The following SPMIP2 variants were observed in gnomAD, a reference collection of about 807,000 sequenced individuals.
SPMIP2 encodes sperm microtubule inner protein 2.
chr4:158,964,950 T>A, the SPMIP2 span, among the ~76,000 whole-genome samples: 5 of 152,190 alleles, frequency 3.3e-5, no homozygotes, highest in African/African-American at 1.2e-4. Flanking sequence ...ACCAGGTCCT[T>A]TCCTTGACTG....
chr4:158,993,004 G>A, the SPMIP2 span, among the ~76,000 whole-genome samples: 622 of 152,304 alleles, frequency 4.1e-3, 3 homozygotes, highest in Non-Finnish European at 4.6e-3. Flanking sequence ...AAGTGCACAT[G>A]CTTTGCAACC....
At chr4:158,940,336 GA>G in the SPMIP2 span, among the ~76,000 whole-genome samples, 1 of 152,146 alleles carries the variant, frequency 6.6e-6, no homozygotes, top group Non-Finnish European at 1.5e-5. Context: ...GTCACATTCT[GA>G]GGTAGTGGGA....
the SPMIP2 span, among the ~76,000 whole-genome samples, chr4:158,950,708 C>A: frequency 6.6e-6 from 1 of 152,202 alleles, no homozygotes; most frequent in East Asian, 1.9e-4. Flanking sequence ...CCAGCCTGGC[C>A]AACATGGTGA....
At chr4:158,933,732 GAAGAATCTTT>G in the SPMIP2 span, among the ~76,000 whole-genome samples, 320 of 151,792 alleles carry the variant, frequency 2.1e-3, 1 homozygote, top group Non-Finnish European at 2.5e-3. Flanking sequence ...ATTTCTTTTG[GAAGAATCTTT>G]TATTCTTTCT....
chr4:158,921,636 C>T, the SPMIP2 span, among the ~76,000 whole-genome samples: 1 of 152,044 alleles, frequency 6.6e-6, no homozygotes, highest in Admixed American at 6.6e-5. Flanking sequence ...AACTGTAAGC[C>T]AATTAAACCT....
chr4:159,052,965 T>A, the SPMIP2 span, among the ~76,000 whole-genome samples: 104 of 144,590 alleles, frequency 7.2e-4, no homozygotes, highest in African/African-American at 2.3e-3. Flanking sequence ...ATTTTTTTTT[T>A]TTTTTTTTTG....
the SPMIP2 span, among the ~76,000 whole-genome samples, chr4:159,063,245 G>A: frequency 3.3e-5 from 5 of 152,160 alleles, no homozygotes; most frequent in Non-Finnish European, 4.4e-5. Flanking sequence ...AGGTTATTTA[G>A]CTCACTGTGT....
the SPMIP2 span, among the ~76,000 whole-genome samples, chr4:159,066,592 TATATA>T: frequency 0.012 from 207 of 17,116 alleles, 1 homozygote; most frequent in African/African-American, 0.047. Flanking sequence ...GTGTATTTTA[TATATA>T]TATATATATA....
At chr4:158,977,181 A>C in the SPMIP2 span, among the ~76,000 whole-genome samples, 1 of 152,046 alleles carries the variant, frequency 6.6e-6, no homozygotes, top group Admixed American at 6.6e-5. Flanking sequence ...TACCAGCTCC[A>C]CTTTGCACCC....
At chr4:158,913,846 T>TAAA in the SPMIP2 span, among the ~76,000 whole-genome samples, 5 of 134,406 alleles carry the variant, frequency 3.7e-5, no homozygotes, top group South Asian at 2.4e-4. Context: ...CCCCATATCT[T>TAAA]AAAAAAAAAA....
At chr4:159,019,515 G>T in the SPMIP2 span, among the ~76,000 whole-genome samples, 1 of 152,074 alleles carries the variant, frequency 6.6e-6, no homozygotes, top group East Asian at 1.9e-4. Flanking sequence ...CATCATGAGT[G>T]CCTCCCCTTC....
At chr4:159,058,832 CTG>C in the SPMIP2 span, among the ~76,000 whole-genome samples, 1 of 152,082 alleles carries the variant, frequency 6.6e-6, no homozygotes, top group Non-Finnish European at 1.5e-5. Context: ...ACAAGAATAA[CTG>C]TAATAATAAT....
the SPMIP2 span, among the ~76,000 whole-genome samples, chr4:159,030,916 T>C: frequency 3.9e-5 from 6 of 152,210 alleles, no homozygotes; most frequent in Admixed American, 1.3e-4. Context: ...ATCCTCTACA[T>C]GGTTTTTTTT....
chr4:158,943,861 T>TTTTTTTC, the SPMIP2 span, among the ~76,000 whole-genome samples: 8 of 135,414 alleles, frequency 5.9e-5, no homozygotes, highest in Admixed American at 3.7e-4. Flanking sequence ...ACATTTTCTT[T>TTTTTTTC]TTTTTTTTTT....
chr4:159,016,807 C>G, the SPMIP2 span, among the ~76,000 whole-genome samples: 5 of 152,184 alleles, frequency 3.3e-5, no homozygotes, highest in Admixed American at 2.6e-4. Context: ...TAAATGCATT[C>G]CGTTTCAGTT....
chr4:159,053,909 A>C, the SPMIP2 span, among the ~76,000 whole-genome samples: 1 of 135,600 alleles, frequency 7.4e-6, no homozygotes, highest in South Asian at 2.6e-4. Flanking sequence ...AACATAGTGA[A>C]ACTTGTCTCA....
At chr4:158,993,047 C>T in the SPMIP2 span, among the ~76,000 whole-genome samples, 1 of 151,960 alleles carries the variant, frequency 6.6e-6, no homozygotes, top group Non-Finnish European at 1.5e-5. Flanking sequence ...TGTGTGTGTC[C>T]AGTCAGTCCA....
the SPMIP2 span, among the ~76,000 whole-genome samples, chr4:158,992,052 TG>T: frequency 0.042 from 6,409 of 152,196 alleles, 457 homozygotes; most frequent in African/African-American, 0.14. Flanking sequence ...CCATCACATT[TG>T]GCTAATTATT....
chr4:158,927,622 C>A, the SPMIP2 span, among the ~76,000 whole-genome samples: 5 of 152,246 alleles, frequency 3.3e-5, no homozygotes, highest in Non-Finnish European at 1.5e-5. Context: ...GCCCTTCAGC[C>A]CACCGCTGCA....
Sources: allele counts gnomAD v4.1 joint callset (sites outside exome capture counted in the v4.1 genomes callset), GRCh38; gene constraint gnomAD v4.1.1; transcripts MANE v1.5; gene names NCBI Gene and HGNC (gene_info 2026-07-23, HGNC 2026-07-21).